NPIPA8: variants seen among roughly 807,000 people sequenced by gnomAD.
NPIPA8 encodes the protein nuclear pore complex interacting protein family member A8.
A neutral mutation model predicts 7.1 loss-of-function variants in NPIPA8; 1 was observed. That is an observed-to-expected ratio of 0.14 (90% CI 0.05 to 0.66). NPIPA8 has a LOEUF of 0.66. Ranked by LOEUF, NPIPA8 falls within the 30% of genes least tolerant of loss-of-function variation. The probability of loss-of-function intolerance (pLI) is 0.84; values close to 1 mark genes in which losing one functional copy is unlikely to be tolerated.
At chr16:18,321,209 C>T in intron 4 of NPIPA8, 85 bp from the exon 7 acceptor site, 1 of 1,348,000 alleles carries the variant, frequency 7.4e-7, no homozygotes, top group Non-Finnish European at 9.6e-7. Context: ...GGCTGTGATT[C>T]AAAGATCCCC....
intron 4 of NPIPA8, among the ~76,000 whole-genome samples, chr16:18,323,819 GAAA>G (rs1162097124): frequency 0.028 from 929 of 33,132 alleles, 23 homozygotes; most frequent in African/African-American, 0.06. Context: ...CCCATCTCAG[GAAA>G]AAAAAAAAAA....
upstream of NPIPA8, among the ~76,000 whole-genome samples, chr16:18,336,028 G>A (rs1331464092): frequency 6.6e-5 from 10 of 151,672 alleles, no homozygotes; most frequent in Admixed American, 5.9e-4. Flanking sequence ...CATTGTGTTG[G>A]CCAGGCTGGT....
intron 4 of NPIPA8, among the ~76,000 whole-genome samples, chr16:18,323,824 A>G (rs1248184532): frequency 5.5e-5 from 3 of 54,572 alleles, no homozygotes; most frequent in African/African-American, 2.6e-4. Context: ...CTCAGGAAAA[A>G]AAAAAAAAAA....
rs532745013 is a variant in NPIPA8 at position 18,324,783 on chromosome 16, G to T, written c.193-285C>A. On this transcript the variant is annotated intron_variant, in intron 2 of 7. Coordinates refer to ENST00000541810, the Ensembl canonical transcript of NPIPA8. The stretch of plus-strand genomic sequence containing the variant: ...CACACCACTGCACTCCAGCCTGAGC[G>T]ACAGAATGAGACTCTGTCACACACA... 5.7e-4 allele frequency among the ~76,000 whole-genome samples: 38 copies of T among 66,542 alleles called. 1 individual carries two copies. The highest frequency in any genetic ancestry group is 2.2e-3 in the African/African-American group (33 of 15,080). 43.7% of individuals were successfully genotyped at this position (66,542 alleles called of 152,430 possible). A position where few individuals can be genotyped will look rare whatever the true frequency, so the allele number is the denominator to read the frequency against.
upstream of NPIPA8, among the ~76,000 whole-genome samples, chr16:18,335,979 C>T (rs1024313950): frequency 1.3e-5 from 2 of 151,494 alleles, no homozygotes; most frequent in African/African-American, 2.4e-5. Context: ...CGCCACCATG[C>T]CCAGCTAAGT....
chr16:18,323,847 A>AAAAAAAAAAAAAAAAAAAAAAAAAAG (rs750129798), intron 4 of NPIPA8, among the ~76,000 whole-genome samples: 2 of 91,596 alleles, frequency 2.2e-5, no homozygotes, highest in African/African-American at 7.5e-5. Flanking sequence ...AAAAAAAAAA[A>AAAAAAAAAAAAAAAAAAAAAAAAAAG]AGAGAAAGGA....
At chr16:18,323,771 G>A (rs1204053889) in intron 4 of NPIPA8, among the ~76,000 whole-genome samples, 1 of 103,234 alleles carries the variant, frequency 9.7e-6, no homozygotes, top group African/African-American at 3.3e-5. Context: ...AGTTGAGATT[G>A]TGCCATTGAA....
intron 2 of NPIPA8, 136 bp from the exon 5 acceptor site, chr16:18,324,634 G>T (rs1244314797): frequency 1.9e-6 from 1 of 513,632 alleles, no homozygotes; most frequent in Non-Finnish European, 3.0e-6. Flanking sequence ...GTGAAACCCC[G>T]TCTCTACTAA....
chr16:18,324,779 G>A (rs1480662488), intron 2 of NPIPA8, among the ~76,000 whole-genome samples: 2 of 69,280 alleles, frequency 2.9e-5, no homozygotes, highest in Non-Finnish European at 5.8e-5. Context: ...ACTCCAGCCT[G>A]AGCGACAGAA....
upstream of NPIPA8, among the ~76,000 whole-genome samples, chr16:18,335,691 T>A (rs1349174433): frequency 1.7e-5 from 2 of 117,480 alleles, no homozygotes; most frequent in East Asian, 4.6e-4. Flanking sequence ...CGTTTCCGTA[T>A]GAATGGGAAG....
upstream of NPIPA8, among the ~76,000 whole-genome samples, chr16:18,336,218 T>C: frequency 8.0e-6 from 1 of 124,232 alleles, no homozygotes; most frequent in Non-Finnish European, 1.6e-5. Flanking sequence ...TCCTGAAGTG[T>C]TGGGATTACA....
Position 18,323,847 on chromosome 16 carries a change from A to AAAAAAAAAAAAAG in NPIPA8, c.437+243_437+244insCTTTTTTTTTTTT, listed in dbSNP as rs750129798. Among the ~76,000 whole-genome samples the AAAAAAAAAAAAAG allele has an allele frequency of 3.9e-3, 355 of 91,536 alleles. 46 individuals carry two copies. The highest frequency in any genetic ancestry group is 8.8e-3 in the East Asian group (25 of 2,848). The allele number at this position is 91,536 out of a possible 152,430, so 60.1% of individuals were successfully genotyped here. ...AAAAAAAAAAAAAAAAAAAAAAAAA[A>AAAAAAAAAAAAAG]AGAGAAAGGAAAACCAATGCCAGTA... On this transcript the variant is annotated intron_variant, in intron 4 of 7. Transcript: ENST00000541810.
chr16:18,336,115 C>T (rs1402610520), upstream of NPIPA8, among the ~76,000 whole-genome samples: 3 of 145,504 alleles, frequency 2.1e-5, no homozygotes, highest in African/African-American at 7.8e-5. Context: ...AGCCACCGTG[C>T]CTGGCCCTTT....
chr16:18,324,800 TCACACACACA>T (rs529158643), intron 2 of NPIPA8, among the ~76,000 whole-genome samples: 2 of 58,536 alleles, frequency 3.4e-5, no homozygotes, highest in Admixed American at 1.9e-4. Flanking sequence ...TGAGACTCTG[TCACACACACA>T]CACACACACA....
intron 4 of NPIPA8, among the ~76,000 whole-genome samples, chr16:18,323,652 CCATATCTA>C (rs1228498399): frequency 1.0e-5 from 1 of 98,756 alleles, no homozygotes; most frequent in Non-Finnish European, 2.2e-5. Context: ...TGGTGAAACC[CCATATCTA>C]GTAAAAATAC....
chr16:18,325,206 G>A lies in NPIPA8; in HGVS notation c.193-708C>T, dbSNP rs1330115202. ...AATCCCAGCACTTTGGGAGGCCGAG[G>A]CGGGTGAATCACAAGGTCAAGAGAT... is the stretch of plus-strand genomic sequence containing the variant. On this transcript the variant is annotated intron_variant, in intron 2 of 7. Transcript: ENST00000541810. 7.5e-5 allele frequency among the ~76,000 whole-genome samples: 5 copies of A among 67,060 alleles called. 1 individual carries two copies. Among genetic ancestry groups the A allele is most frequent in the Non-Finnish European group, 1.5e-4 (5 of 34,066 alleles). The allele number at this position is 67,060 out of a possible 152,430, so 44.0% of individuals were successfully genotyped here. A position where few individuals can be genotyped will look rare whatever the true frequency, so the allele number is the denominator to read the frequency against.
chr16:18,325,366 C>T (rs1349329957), intron 2 of NPIPA8, among the ~76,000 whole-genome samples: 2 of 3,920 alleles, frequency 5.1e-4, no homozygotes, highest in Non-Finnish European at 9.7e-4. Flanking sequence ...ACCCAGGAGG[C>T]AGAGGGTGCA....
upstream of NPIPA8, among the ~76,000 whole-genome samples, chr16:18,335,598 G>A (rs1310716520): frequency 5.6e-5 from 6 of 107,520 alleles, no homozygotes; most frequent in Admixed American, 8.5e-5. Context: ...CGGCTTATGC[G>A]CCTTCTCTGT....
At chr16:18,324,039 TTTGA>T (rs1227251506) in intron 4 of NPIPA8, 48 bp downstream of exon 6, 1 of 576,314 alleles carries the variant, frequency 1.7e-6, no homozygotes, top group African/African-American at 2.0e-5. Flanking sequence ...AGTTGTCTAC[TTTGA>T]TTGGCACATG....
Sources: allele counts gnomAD v4.1 joint callset (sites outside exome capture counted in the v4.1 genomes callset), GRCh38; gene constraint gnomAD v4.1.1; transcripts MANE v1.5; gene names NCBI Gene and HGNC (gene_info 2026-07-23, HGNC 2026-07-21).